The following CPQ variants were observed in gnomAD, a reference collection of about 807,000 sequenced individuals.
The protein encoded by CPQ is carboxypeptidase Q, also known as Ser-Met dipeptidase.
In CPQ, 37 loss-of-function variants were observed where a neutral mutation model predicts 45.7. That is an observed-to-expected ratio of 0.81 (90% confidence interval 0.62 to 1.07). The LOEUF is 1.07. Among genes scored for constraint, CPQ ranks in the 50% least tolerant of loss-of-function variants. CPQ has a pLI of 0.00. For missense variants in CPQ, 537 were observed against 572.9 expected, an observed-to-expected ratio of 0.94 and a Z score of 0.64; for synonymous variants, 186 against 205.8, an observed-to-expected ratio of 0.90 and a Z score of 0.82.
intron 1 of CPQ, among the ~76,000 whole-genome samples, chr8:96,778,727 T>A (rs1810647837): frequency 1.3e-5 from 2 of 152,156 alleles, no homozygotes; most frequent in African/African-American, 4.8e-5. Flanking sequence ...AGTATCAAAA[T>A]TAATTTAATT....
At chr8:96,675,912 TCAA>T (rs1809071378) in intron 1 of CPQ, among the ~76,000 whole-genome samples, 1 of 152,050 alleles carries the variant, frequency 6.6e-6, no homozygotes, top group South Asian at 2.1e-4. Context: ...AAGTGTTTTC[TCAA>T]CACACACTAG....
chr8:97,065,470 G>A (rs2130527120), intron 6 of CPQ, among the ~76,000 whole-genome samples: 1 of 152,248 alleles, frequency 6.6e-6, no homozygotes, highest in African/African-American at 2.4e-5. Flanking sequence ...TTCAACAGAT[G>A]GAACAACAAC....
chr8:96,685,636 C>T (rs2455046), intron 1 of CPQ, among the ~76,000 whole-genome samples: 106,956 of 151,952 alleles, frequency 0.7, 38,089 homozygotes, highest in Middle Eastern at 0.82. Flanking sequence ...AGCTTTACAA[C>T]AGGTTTTTAT....
chr8:97,022,197 CT>C (rs1484560808), intron 5 of CPQ, among the ~76,000 whole-genome samples: 1 of 152,186 alleles, frequency 6.6e-6, no homozygotes, highest in African/African-American at 2.4e-5. Context: ...GAGAATGAAA[CT>C]GGATCCTCAT....
intron 3 of CPQ, among the ~76,000 whole-genome samples, chr8:96,854,497 C>T (rs550615737): frequency 8.7e-6 from 1 of 114,978 alleles, no homozygotes; most frequent in Non-Finnish European, 1.7e-5. Context: ...CGCCACTGCA[C>T]TCCAGCCTGG....
At chr8:96,647,994 A>T (rs1399257383) in intron 1 of CPQ, among the ~76,000 whole-genome samples, 1 of 152,218 alleles carries the variant, frequency 6.6e-6, no homozygotes, top group Non-Finnish European at 1.5e-5. Context: ...TATAAGACCA[A>T]CAACCCCTAG....
At chr8:97,014,229 G>A (rs1809540296) in intron 5 of CPQ, among the ~76,000 whole-genome samples, 1 of 152,144 alleles carries the variant, frequency 6.6e-6, no homozygotes, top group Non-Finnish European at 1.5e-5. Context: ...GAGTTCCAGG[G>A]ATGTTCGGAT....
chr8:96,953,912 T>C (rs1191008363), intron 4 of CPQ, among the ~76,000 whole-genome samples: 1 of 152,176 alleles, frequency 6.6e-6, no homozygotes, highest in Non-Finnish European at 1.5e-5. Flanking sequence ...TTCAGGATAT[T>C]TTACAATCTT....
rs146170510 is a variant in CPQ at position 96,815,639 on chromosome 8, C to A, written c.434-19334C>A. Among the ~76,000 whole-genome samples, 1,119 of 152,202 alleles carry A rather than the reference C, an allele frequency of 7.4e-3. 9 individuals carry two copies. The highest frequency in any genetic ancestry group is 0.01 in the Non-Finnish European group (697 of 68,006). On this transcript the variant is annotated intron_variant, in intron 2 of 7. Coordinates refer to ENST00000220763, the MANE Select transcript of CPQ (RefSeq NM_016134.4). ...CTGTTCACTTTTATTCTTTTGTAGG[C>A]TAATGTACTAAGCTAATTATGTATT...
At chr8:96,925,267 C>G (rs1251607741) in intron 4 of CPQ, among the ~76,000 whole-genome samples, 2 of 152,112 alleles carry the variant, frequency 1.3e-5, no homozygotes, top group Non-Finnish European at 2.9e-5. Context: ...TCTTCCAATT[C>G]AGTGCTTCAT....
intron 4 of CPQ, among the ~76,000 whole-genome samples, chr8:96,898,736 C>G (rs1042385413): frequency 1.3e-5 from 2 of 148,310 alleles, no homozygotes; most frequent in African/African-American, 5.0e-5. Flanking sequence ...TGTAACTAAC[C>G]TGCACAATGT....
chr8:97,132,347 G>A (rs1811972014), intron 7 of CPQ, among the ~76,000 whole-genome samples: 1 of 152,200 alleles, frequency 6.6e-6, no homozygotes, highest in Non-Finnish European at 1.5e-5. Flanking sequence ...CTGGGCATCT[G>A]TGCAGCACTC....
intron 4 of CPQ, among the ~76,000 whole-genome samples, chr8:96,928,841 G>C (rs1268800951): frequency 6.6e-6 from 1 of 152,176 alleles, no homozygotes; most frequent in Non-Finnish European, 1.5e-5. Context: ...TGGCAAATCA[G>C]AAGAAATAAT....
intron 1 of CPQ, among the ~76,000 whole-genome samples, chr8:96,658,608 AAT>A (rs1352092992): frequency 6.6e-6 from 1 of 152,250 alleles, no homozygotes; most frequent in African/African-American, 2.4e-5. Flanking sequence ...CTGGCCTTAA[AAT>A]AGGAAATTAT....
chr8:96,946,963 G>C (rs1355340916), intron 4 of CPQ, among the ~76,000 whole-genome samples: 1 of 152,080 alleles, frequency 6.6e-6, no homozygotes, highest in Non-Finnish European at 1.5e-5. Flanking sequence ...TCAGTCCCTG[G>C]AATTATTTTT....
At chr8:96,674,548 C>G (rs950785340) in intron 1 of CPQ, among the ~76,000 whole-genome samples, 2 of 152,046 alleles carry the variant, frequency 1.3e-5, no homozygotes, top group Admixed American at 6.6e-5. Flanking sequence ...GTATTACATT[C>G]CTGTTTCTTT....
chr8:96,831,444 T>A lies in CPQ; in HGVS notation c.434-3529T>A, dbSNP rs528786716. Among the ~76,000 whole-genome samples the A allele has an allele frequency of 2.0e-4, 31 of 152,266 alleles. No homozygotes were observed. The South Asian group carries it at 6.0e-3, about 29-fold the overall frequency. ...TGTGAATATGACACAGGTTTTGTGT[T>A]CTTAGAGGTTTTCATGAACTATCTT... is the stretch of plus-strand genomic sequence containing the variant. On this transcript the variant is annotated intron_variant, in intron 2 of 7. Coordinates refer to ENST00000220763, the MANE Select transcript of CPQ (RefSeq NM_016134.4).
chr8:96,944,301 A>G (rs1036055297), intron 4 of CPQ, among the ~76,000 whole-genome samples: 2 of 152,096 alleles, frequency 1.3e-5, no homozygotes, highest in African/African-American at 2.4e-5. Flanking sequence ...TGAGAGCTGC[A>G]GCCTCCCTCC....
intron 1 of CPQ, among the ~76,000 whole-genome samples, chr8:96,758,108 G>GT (rs1458140137): frequency 6.6e-6 from 1 of 152,126 alleles, no homozygotes; most frequent in Non-Finnish European, 1.5e-5. Context: ...ACATTAATTA[G>GT]TTTTTTCTAA....
Sources: allele counts gnomAD v4.1 joint callset (sites outside exome capture counted in the v4.1 genomes callset), GRCh38; gene constraint gnomAD v4.1.1; transcripts MANE v1.5; gene names NCBI Gene and HGNC (gene_info 2026-07-23, HGNC 2026-07-21).